Variants in TRIM22 observed in about 807,000 individuals in gnomAD.
TRIM22 encodes tripartite motif containing 22.
Under a neutral mutation model 53.6 loss-of-function variants are expected in TRIM22, and 45 were observed. That is an observed-to-expected ratio of 0.84 (90% CI 0.66 to 1.08). TRIM22 has a LOEUF of 1.08. TRIM22 is among the 50% of genes least tolerant of loss of function. The probability of loss-of-function intolerance (pLI) is 0.00; values close to 1 mark genes in which losing one functional copy is unlikely to be tolerated. For missense variants in TRIM22, 616 were observed against 590.9 expected (o/e 1.04, Z -0.44); for synonymous variants, 225 against 216.6 (o/e 1.04, Z -0.34).
chr11:5,708,333 G>C (rs1427949430), intron 6 of TRIM22, 60 bp downstream of exon 6: 1 of 1,494,884 alleles, frequency 6.7e-7, no homozygotes, highest in Non-Finnish European at 9.3e-7. Flanking sequence ...GCTCAATAGG[G>C]AAGCGGGAGG....
chr11:5,709,187 G>T lies in TRIM22; in HGVS notation c.1036G>T (p.Gly346Cys). 6.2e-7 allele frequency: 1 copy of T among 1,614,048 alleles called. No homozygotes were observed. Among genetic ancestry groups the T allele is most frequent in the Non-Finnish European group, 8.5e-7 (1 of 1,180,016 alleles). Reference protein sequence around the residue: ...PCDFSAFGVFGCQYFSSGKYY... With the variant: ...PCDFSAFGVFCCQYFSSGKYY... ...TGATTTTTCTGCTTTTGGTGTCTTC[G>T]GCTGCCAATATTTCTCTTCGGGGAA... is the stretch of plus-strand genomic sequence containing the variant. The change falls in exon 8 of 8, where the codon GGC becomes TGC. Residue 346 changes from glycine to cysteine, a missense_variant. Gly to Cys is a radical substitution (Grantham distance 159, BLOSUM62 -3). Coordinates refer to ENST00000379965, the MANE Select transcript of TRIM22 (RefSeq NM_006074.5).
intron 7 of TRIM22, 47 bp from the exon 8 acceptor site, chr11:5,709,006 C>A: frequency 7.1e-7 from 1 of 1,404,954 alleles, no homozygotes; most frequent in Non-Finnish European, 1.0e-6. Context: ...TGCTGTAAGA[C>A]ACACCTATCC....
chr11:5,709,736 T>C lies in TRIM22; in HGVS notation c.*88T>C, dbSNP rs540190196. On this transcript the variant is annotated 3_prime_UTR_variant, in exon 8 of 8. Coordinates refer to ENST00000379965, the MANE Select transcript of TRIM22 (RefSeq NM_006074.5). Reference sequence around the variant, plus strand: ...CCTGAGTTCATCTCTACTGAGACCATCTCTTCCTTTCTTTCCCCTTCTTTT... The same window carrying C: ...CCTGAGTTCATCTCTACTGAGACCACCTCTTCCTTTCTTTCCCCTTCTTTT... 84 of 1,113,574 alleles carry C rather than the reference T, an allele frequency of 7.5e-5. No individual in the cohort carries two copies. Among genetic ancestry groups the C allele is most frequent in the Admixed American group, 6.8e-5 (3 of 43,898 alleles). 69.0% of individuals were successfully genotyped at this position (1,113,574 alleles called of 1,614,324 possible).
chr11:5,706,058 T>A (rs960310290), intron 4 of TRIM22, among the ~76,000 whole-genome samples: 2 of 152,212 alleles, frequency 1.3e-5, no homozygotes, highest in African/African-American at 4.8e-5. Flanking sequence ...TGAAAAAATA[T>A]AGGGCAAACG....
chr11:5,704,974 C>T (rs1853437096), intron 4 of TRIM22, among the ~76,000 whole-genome samples: 2 of 152,086 alleles, frequency 1.3e-5, no homozygotes, highest in African/African-American at 4.8e-5. Context: ...AGGAATGGAC[C>T]ATAGAGGACA....
At position 5,698,557 on chromosome 11, in the gene TRIM22, G is replaced by T. The variant is rs1853312042; in HGVS notation, c.750+12G>T. ...TAGAGATGCTGCAGGTAAGACTTGGGATGGAGCACCTACGTAAGAGATTAG... is the reference window on the plus strand; with the variant it reads ...TAGAGATGCTGCAGGTAAGACTTGGTATGGAGCACCTACGTAAGAGATTAG... On this transcript the variant is annotated intron_variant, in intron 4 of 7. Transcript: ENST00000379965. 1.2e-6 allele frequency: 2 copies of T among 1,602,146 alleles called. No individual in the cohort carries two copies. Among genetic ancestry groups the T allele is most frequent in the African/African-American group, 1.3e-5 (1 of 74,550 alleles).
In TRIM22 at chr11:5,708,189, T is replaced by C. The variant is rs112606816; in HGVS notation, c.790T>C (p.Leu264=). The C allele has an allele frequency of 6.0e-3, 9,756 of 1,614,056 alleles. 41 individuals are homozygous for C. Among genetic ancestry groups the C allele is most frequent in the Non-Finnish European group, 7.2e-3 (8,437 of 1,179,890 alleles). Residue 264 remains leucine, a synonymous_variant, in exon 6 of 8, where the codon TTG becomes CTG. Transcript: ENST00000379965. ...TATCACTAGGAGTGAAAGCTGGACA[T>C]TGAAGAAGCCAAAATCTGTTTCCAA... ...DVMKRSESWT[L]KKPKSVSKKL...
rs546571269 is a variant in TRIM22, at chr11:5,710,255, G to A, written c.*607G>A. The stretch of plus-strand genomic sequence containing the variant: ...TCCTAATACCTTGGTTTCACTAGTA[G>A]TAAACATTATTATTTTTTTTATATT... On this transcript the variant is annotated 3_prime_UTR_variant, in exon 8 of 8. Coordinates refer to ENST00000379965, the MANE Select transcript of TRIM22 (RefSeq NM_006074.5). 1 of 151,722 alleles carries A rather than the reference G, an allele frequency of 6.6e-6. No individual in the cohort carries two copies. Among genetic ancestry groups the A allele is most frequent in the Admixed American group, 6.6e-5 (1 of 15,162 alleles). 9.4% of individuals were successfully genotyped at this position (151,722 alleles called of 1,614,324 possible).
At chr11:5,701,432 G>T (rs1379783136) in intron 4 of TRIM22, among the ~76,000 whole-genome samples, 1 of 152,110 alleles carries the variant, frequency 6.6e-6, no homozygotes, top group Non-Finnish European at 1.5e-5. Context: ...AAAACATTTT[G>T]TATGAGTTCA....
intron 4 of TRIM22, among the ~76,000 whole-genome samples, chr11:5,704,250 T>C (rs555926490): frequency 6.8e-6 from 1 of 146,790 alleles, no homozygotes; most frequent in East Asian, 2.0e-4. Context: ...CTTCTTTATC[T>C]TTCTTTTTTT....
rs544589649 is a variant in TRIM22 at position 5,699,251 on chromosome 11, G to A, written c.750+706G>A. ...AGAGTGTTGTATGTTGTGGCCGGGCGCGGTGGCTCACGCCTGTAATCCCAG... is the reference window on the plus strand; with the variant it reads ...AGAGTGTTGTATGTTGTGGCCGGGCACGGTGGCTCACGCCTGTAATCCCAG... On this transcript the variant is annotated intron_variant, in intron 4 of 7. Transcript: ENST00000379965. Among the ~76,000 whole-genome samples, 26 of 128,490 alleles carry A rather than the reference G, an allele frequency of 2.0e-4. 1 individual carries two copies. Among genetic ancestry groups the A allele is most frequent in the East Asian group, 6.0e-4 (3 of 5,016 alleles). The allele number at this position is 128,490 out of a possible 152,430, so 84.3% of individuals were successfully genotyped here.
In TRIM22 at chr11:5,709,590, C is replaced by T. The variant is rs780633924; in HGVS notation, c.1439C>T (p.Pro480Leu). 1.2e-5 allele frequency: 20 copies of T among 1,612,950 alleles called. No individual in the cohort carries two copies. Among genetic ancestry groups the T allele is most frequent in the African/African-American group, 5.3e-5 (4 of 74,898 alleles). ...TGTCGCTTTTCTCGACCTGCTTATC[C>T]GTATTTCAATCCTTGGAACTGCCTA... ...SGCRFSRPAY[P>L]YFNPWNCLVP... Residue 480 changes from proline (P) to leucine (L), a missense_variant, in exon 8 of 8, where the codon CCG (proline) becomes CTG (leucine). Coordinates refer to ENST00000379965, the MANE Select transcript of TRIM22 (RefSeq NM_006074.5).
intron 3 of TRIM22, chr11:5,697,822 G>A: frequency 5.9e-6 from 1 of 168,118 alleles, no homozygotes; most frequent in Non-Finnish European, 1.3e-5. Flanking sequence ...TCCTGCCTCA[G>A]CCTCCCGAGT....
intron 1 of TRIM22, among the ~76,000 whole-genome samples, chr11:5,693,474 A>T (rs1025428023): frequency 1.3e-5 from 2 of 151,896 alleles, no homozygotes. Flanking sequence ...TAATCCCAGC[A>T]CTTTGGGAGG....
In TRIM22 at chr11:5,708,951, G is replaced by A. The variant is rs571147041; in HGVS notation, c.902-102G>A. Reference sequence around the variant, plus strand: ...ACCTCTGACTATCAACACAAGTTCCGTTTGATATCGACACAAGTTTCATTT... The same window carrying A: ...ACCTCTGACTATCAACACAAGTTCCATTTGATATCGACACAAGTTTCATTT... On this transcript the variant is annotated intron_variant, in intron 7 of 7. Transcript: ENST00000379965. The A allele has an allele frequency of 1.3e-3, 1,174 of 924,550 alleles. 4 individuals carry two copies. Among genetic ancestry groups the A allele is most frequent in the South Asian group, 1.8e-3 (112 of 60,922 alleles). 57.3% of individuals were successfully genotyped at this position (924,550 alleles called of 1,614,324 possible).
intron 4 of TRIM22, among the ~76,000 whole-genome samples, chr11:5,704,301 C>T (rs941481822): frequency 1.3e-5 from 2 of 151,708 alleles, no homozygotes; most frequent in Non-Finnish European, 2.9e-5. Context: ...ACAATGTTGA[C>T]CTTAGTGGTG....
Position 5,707,676 on chromosome 11 carries a change from G to GTACAAAAAT in TRIM22, c.774-495_774-494insCAAAAATTA, listed in dbSNP as rs1337728159. Among the ~76,000 whole-genome samples, 3 of 152,008 alleles carry GTACAAAAAT rather than the reference G, an allele frequency of 2.0e-5. No homozygotes were observed. In the East Asian group the frequency reaches 5.8e-4, roughly 29 times the overall value. On this transcript the variant is annotated intron_variant, in intron 5 of 7. Coordinates refer to ENST00000379965, the MANE Select transcript of TRIM22 (RefSeq NM_006074.5). ...AGTACAAAAAAATTAGCTGGATGTG[G>GTACAAAAAT]TAGCAGGCACCTGTAATCCCAGCTA...
chr11:5,705,941 A>C (rs1323628236), intron 4 of TRIM22, among the ~76,000 whole-genome samples: 1 of 152,186 alleles, frequency 6.6e-6, no homozygotes, highest in East Asian at 1.9e-4. Flanking sequence ...GAGTACATGG[A>C]GGCCAGACAA....
intron 4 of TRIM22, among the ~76,000 whole-genome samples, chr11:5,699,605 T>C (rs1853334243): frequency 6.7e-6 from 1 of 149,132 alleles, no homozygotes; most frequent in African/African-American, 2.4e-5. Flanking sequence ...AGTTTTAAGT[T>C]GTCGTACTAT....
Sources: allele counts gnomAD v4.1 joint callset (sites outside exome capture counted in the v4.1 genomes callset), GRCh38; gene constraint gnomAD v4.1.1; transcripts MANE v1.5; gene names NCBI Gene and HGNC (gene_info 2026-07-23, HGNC 2026-07-21).